The following NUDT19 variants were observed in gnomAD, a reference collection of about 807,000 sequenced individuals.
NUDT19 encodes acyl-coenzyme A diphosphatase NUDT19.
A neutral mutation model predicts 22.2 loss-of-function variants in NUDT19; 31 were observed. The ratio of observed to expected loss-of-function variants is 1.40; its 90% CI spans 1.05 to 1.89. The LOEUF (loss-of-function observed/expected upper bound fraction) is 1.89. NUDT19 is among the 40% of genes most tolerant of loss of function. The pLI, the probability that NUDT19 is intolerant of heterozygous loss-of-function variation, is 0.00. For missense variants in NUDT19, 752 were observed against 514.2 expected, an observed-to-expected ratio of 1.46 and a Z score of -4.47; for synonymous variants, 325 against 230.8, an observed-to-expected ratio of 1.41 and a Z score of -3.70.
intron 1 of NUDT19, among the ~76,000 whole-genome samples, chr19:32,701,447 C>G (rs1968335467): frequency 6.6e-6 from 1 of 152,040 alleles, no homozygotes; most frequent in African/African-American, 2.4e-5. Context: ...ATCCACCTGT[C>G]TGGGCCTCCC....
chr19:32,694,723 ATTC>A (rs1451044914), intron 1 of NUDT19, among the ~76,000 whole-genome samples: 2 of 152,188 alleles, frequency 1.3e-5, no homozygotes, highest in Admixed American at 1.3e-4. Flanking sequence ...GATTTCAATT[ATTC>A]TTTGCTATTA....
At chr19:32,697,362 T>C (rs955394151) in intron 1 of NUDT19, among the ~76,000 whole-genome samples, 8 of 152,148 alleles carry the variant, frequency 5.3e-5, no homozygotes, top group African/African-American at 1.9e-4. Flanking sequence ...TCTTTTAGGA[T>C]CAATTGACCC....
rs1394613217 is a variant in NUDT19, at chr19:32,692,620, C to A, written c.660C>A (p.Cys220Ter). The change falls in exon 1 of 3, where the codon TGC becomes TGA. Residue 220 changes from cysteine (C) to a stop codon, truncating the protein, a stop_gained. Coordinates refer to ENST00000397061, the MANE Select transcript of NUDT19 (RefSeq NM_001105570.2). LOFTEE classifies it high-confidence loss of function. ...TTGACACGGCCTTCTTCCTGTGCTG[C>A]CTGCGCGAGCCGCCGCCCGTCTACC... Reference protein sequence around the residue: ...RRFDTAFFLCCLREPPPVYPD... With the variant: ...RRFDTAFFLC The A allele has an allele frequency of 7.1e-6, 11 of 1,538,698 alleles. No individual in the cohort carries two copies. The highest frequency in any genetic ancestry group is 9.6e-6 in the Non-Finnish European group (11 of 1,148,106).
At chr19:32,695,506 C>A (rs1968252527) in intron 1 of NUDT19, among the ~76,000 whole-genome samples, 1 of 152,188 alleles carries the variant, frequency 6.6e-6, no homozygotes, top group Non-Finnish European at 1.5e-5. Flanking sequence ...GAATAGGGTG[C>A]ACTGTTTTTT....
At chr19:32,700,616 GACCGGATCTC>G (rs953385424) in intron 1 of NUDT19, among the ~76,000 whole-genome samples, 5 of 152,264 alleles carry the variant, frequency 3.3e-5, no homozygotes, top group African/African-American at 1.2e-4. Flanking sequence ...TTTTTGTAGA[GACCGGATCTC>G]ACTATGTTGC....
At chr19:32,692,867 T>C (rs1226653988) in intron 1 of NUDT19, among the ~76,000 whole-genome samples, 193 bp downstream of exon 1, 3 of 152,192 alleles carry the variant, frequency 2.0e-5, no homozygotes, top group Non-Finnish European at 4.4e-5. Flanking sequence ...TGCTCTCTGC[T>C]TTCCTAGGCT....
intron 1 of NUDT19, among the ~76,000 whole-genome samples, chr19:32,696,740 T>A (rs544309432): frequency 6.6e-6 from 1 of 152,316 alleles, no homozygotes; most frequent in African/African-American, 2.4e-5. Flanking sequence ...AATACCTGGT[T>A]ACAGCCTGTC....
Position 32,709,299 on chromosome 19 carries a change from C to G in NUDT19, c.829C>G (p.His277Asp). Residue 277 changes from histidine (H) to aspartate (D), a missense_variant, in exon 2 of 3, where the codon CAC becomes GAC. Physicochemically the swap from His to Asp is moderately conservative, Grantham distance 81. Transcript: ENST00000397061. Reference protein sequence around the residue: ...LANFASLSDLHKFCLGRALEG... With the variant: ...LANFASLSDLDKFCLGRALEG... Reference sequence around the variant, plus strand: ...AAACTTTGCCTCTCTCTCTGACTTGCACAAATTTTGTTTGGGTCGTGCATT... The same window carrying G: ...AAACTTTGCCTCTCTCTCTGACTTGGACAAATTTTGTTTGGGTCGTGCATT... The G allele has an allele frequency of 6.2e-7, 1 of 1,614,148 alleles. No individual in the cohort carries two copies. Among genetic ancestry groups the G allele is most frequent in the African/African-American group, 1.3e-5 (1 of 75,056 alleles).
chr19:32,704,168 A>T (rs73577294), intron 1 of NUDT19, among the ~76,000 whole-genome samples: 1,767 of 152,058 alleles, frequency 0.012, 32 homozygotes, highest in African/African-American at 0.04. Flanking sequence ...TTCTAGGTTG[A>T]TAGGTTTTTT....
intron 1 of NUDT19, among the ~76,000 whole-genome samples, chr19:32,703,635 C>T (rs547971575): frequency 1.3e-3 from 190 of 142,028 alleles, no homozygotes; most frequent in African/African-American, 4.5e-3. Context: ...AGGTGTGGGC[C>T]ACTGTGCCCA....
At chr19:32,706,243 A>G (rs1968385660) in intron 1 of NUDT19, among the ~76,000 whole-genome samples, 1 of 152,190 alleles carries the variant, frequency 6.6e-6, no homozygotes, top group African/African-American at 2.4e-5. Flanking sequence ...CCTCTCAGGT[A>G]CAGCTTTATC....
chr19:32,696,777 C>T (rs148656195), intron 1 of NUDT19, among the ~76,000 whole-genome samples: 1,662 of 152,296 alleles, frequency 0.011, 38 homozygotes, highest in African/African-American at 0.038. Context: ...GGTAACAGAC[C>T]TTGAGGACAG....
rs145440588 is a variant in NUDT19 at position 32,702,178 on chromosome 19, A to G, written c.715-7007A>G. Among the ~76,000 whole-genome samples the G allele has an allele frequency of 9.8e-5, 15 of 152,296 alleles. 1 individual carries two copies. The East Asian group carries it at 2.9e-3, about 29-fold the overall frequency. ...GGGCCTTGACCAGCCAGCCAGACTC[A>G]TGTTTATTCAGTAAAGATTAATTGA... On this transcript the variant is annotated intron_variant, in intron 1 of 2. Coordinates refer to ENST00000397061, the MANE Select transcript of NUDT19 (RefSeq NM_001105570.2).
chr19:32,702,566 C>T (rs1364668974), intron 1 of NUDT19, among the ~76,000 whole-genome samples: 1 of 152,118 alleles, frequency 6.6e-6, no homozygotes, highest in Non-Finnish European at 1.5e-5. Flanking sequence ...CAAGATCATG[C>T]CACTGCACTC....
At chr19:32,695,828 G>A (rs1334679521) in intron 1 of NUDT19, among the ~76,000 whole-genome samples, 2 of 152,240 alleles carry the variant, frequency 1.3e-5, no homozygotes, top group African/African-American at 4.8e-5. Context: ...AAGCATACTT[G>A]CTATCTGTAT....
In NUDT19 at chr19:32,692,468, C is replaced by T. The variant is rs756202844; in HGVS notation, c.508C>T (p.Arg170Cys). 3 of 1,548,282 alleles carry T rather than the reference C, an allele frequency of 1.9e-6. No homozygotes were observed. In the African/African-American group the frequency reaches 4.2e-5, roughly 22 times the overall value. ...PPPGLASWRD[R>C]VRQDPRHFLR... ...GCCGGGCCTGGCCTCCTGGCGCGAC[C>T]GCGTGCGCCAGGACCCGCGCCACTT... The change falls in exon 1 of 3, where the codon CGC (arginine) becomes TGC (cysteine). Residue 170 changes from arginine (R) to cysteine (C), a missense_variant. Transcript: ENST00000397061.
intron 1 of NUDT19, among the ~76,000 whole-genome samples, chr19:32,698,588 A>C (rs1315409377): frequency 6.6e-6 from 1 of 151,940 alleles, no homozygotes; most frequent in Non-Finnish European, 1.5e-5. Context: ...TCACCAACGC[A>C]GCAGCAGAAA....
chr19:32,692,599 C>G lies in NUDT19; in HGVS notation c.639C>G (p.Asp213Glu), dbSNP rs1420048139. 1.9e-6 allele frequency: 3 copies of G among 1,578,532 alleles called. No homozygotes were observed. The highest frequency in any genetic ancestry group is 2.6e-6 in the Non-Finnish European group (3 of 1,166,926). Residue 213 changes from aspartate (D) to glutamate (E), a missense_variant, in exon 1 of 3, where the codon GAC (aspartate) becomes GAG (glutamate). Transcript: ENST00000397061. ...PFLRGTTRRF[D>E]TAFFLCCLRE... ...TGCGGGGCACCACTCGCCGCTTTGA[C>G]ACGGCCTTCTTCCTGTGCTGCCTGC...
At chr19:32,702,175 C>T (rs1968342770) in intron 1 of NUDT19, among the ~76,000 whole-genome samples, 1 of 152,148 alleles carries the variant, frequency 6.6e-6, no homozygotes, top group African/African-American at 2.4e-5. Flanking sequence ...GCCAGCCAGA[C>T]TCATGTTTAT....
Sources: gnomAD v4.1 joint callset for allele counts (sites outside exome capture counted in the v4.1 genomes callset) on GRCh38, gnomAD v4.1.1 for gene constraint, MANE v1.5 for transcripts, NCBI Gene and HGNC (gene_info 2026-07-23, HGNC 2026-07-21) for gene names.